RIC3: variants seen among roughly 807,000 people sequenced by gnomAD.
RIC3 encodes the protein protein RIC-3.
Under a neutral mutation model 27.3 loss-of-function variants are expected in RIC3, and 28 were observed. The ratio of observed to expected loss-of-function variants is 1.02; its 90% CI spans 0.76 to 1.41. RIC3 has a LOEUF of 1.41. Among genes scored for constraint, RIC3 ranks in the 40% most tolerant of loss-of-function variants. The probability of loss-of-function intolerance (pLI) is 0.00; values close to 1 mark genes in which losing one functional copy is unlikely to be tolerated. For missense variants in RIC3, 501 were observed against 444.7 expected (o/e 1.13, Z -1.14); for synonymous variants, 184 against 160.4 (o/e 1.15, Z -1.11).
At chr11:8,146,492 A>T (rs1278900818) in intron 1 of RIC3, among the ~76,000 whole-genome samples, 1 of 152,228 alleles carries the variant, frequency 6.6e-6, no homozygotes. Context: ...ATAAAATGCT[A>T]TGAACTGAGA....
chr11:8,140,261 A>T, intron 1 of RIC3, 68 bp from the exon 2 acceptor site: 11 of 1,400,956 alleles, frequency 7.9e-6, no homozygotes, highest in Non-Finnish European at 1.1e-5. Flanking sequence ...AAAACACCAA[A>T]TCATTAAGGT....
intron 1 of RIC3, among the ~76,000 whole-genome samples, chr11:8,156,955 A>G (rs1950716991): frequency 6.6e-6 from 1 of 152,212 alleles, no homozygotes; most frequent in African/African-American, 2.4e-5. Context: ...TATTTGGTGT[A>G]TATCATATCT....
the RIC3 span, chr11:8,095,731 T>C: frequency 6.8e-4 from 1,016 of 1,497,396 alleles, 2 homozygotes; most frequent in Non-Finnish European, 8.7e-4. Flanking sequence ...TGCACCTTTC[T>C]CTGGGAGCAT....
At position 8,140,125 on chromosome 11, in the gene RIC3, C is replaced by T. The variant is rs1948883052; in HGVS notation, c.193G>A (p.Ala65Thr). 1 of 1,614,110 alleles carries T rather than the reference C, an allele frequency of 6.2e-7. No homozygotes were observed. The highest frequency in any genetic ancestry group is 8.5e-7 in the Non-Finnish European group (1 of 1,180,014). ...GCAAGGTGAGACCTCTGGAAACGAG[C>T]CCCAGGAGTCTGGCCATCTGAGGGT... is the stretch of plus-strand genomic sequence containing the variant. ...QAPSDGQTPG[A>T]RFQRSHLAEA... The change falls in exon 2 of 6, where the codon GCT becomes ACT. Residue 65 changes from alanine to threonine, a missense_variant. By Grantham distance (58) the Ala-to-Thr change is moderately conservative. Transcript: ENST00000309737.
intron 1 of RIC3, among the ~76,000 whole-genome samples, chr11:8,149,507 C>T (rs1950033210): frequency 6.6e-6 from 1 of 152,098 alleles, no homozygotes; most frequent in Admixed American, 6.5e-5. Flanking sequence ...ATTAATCCAG[C>T]AGCAGAATAT....
At chr11:8,136,659 T>C (rs571444727) in intron 4 of RIC3, among the ~76,000 whole-genome samples, 59 of 152,364 alleles carry the variant, frequency 3.9e-4, no homozygotes, top group Admixed American at 1.9e-3. Context: ...GCTGGCACAG[T>C]CGACACAAAC....
chr11:8,123,173 T>G (rs1330491249), intron 5 of RIC3, among the ~76,000 whole-genome samples: 1 of 151,146 alleles, frequency 6.6e-6, no homozygotes, highest in African/African-American at 2.4e-5. Flanking sequence ...GAAAAACTAT[T>G]CAAAACTAAG....
At chr11:8,112,008 T>A (rs972311969) in intron 5 of RIC3, among the ~76,000 whole-genome samples, 3 of 152,236 alleles carry the variant, frequency 2.0e-5, no homozygotes, top group Non-Finnish European at 4.4e-5. Flanking sequence ...ATTATGATAA[T>A]TGGCAAATTC....
At chr11:8,148,751 A>C (rs752010466) in intron 1 of RIC3, among the ~76,000 whole-genome samples, 1 of 152,218 alleles carries the variant, frequency 6.6e-6, no homozygotes, top group African/African-American at 2.4e-5. Context: ...CACATGGAAC[A>C]ATGCCTTCAA....
intron 1 of RIC3, among the ~76,000 whole-genome samples, chr11:8,163,069 C>CCA (rs1419213949): frequency 1.4e-5 from 2 of 138,162 alleles, no homozygotes; most frequent in Non-Finnish European, 3.2e-5. Flanking sequence ...ACACACACAC[C>CCA]CCCCAAAACA....
chr11:8,153,746 A>G (rs1279065041), intron 1 of RIC3, among the ~76,000 whole-genome samples: 1 of 152,230 alleles, frequency 6.6e-6, no homozygotes, highest in South Asian at 2.1e-4. Flanking sequence ...ATTTCTTAAT[A>G]CAATCAGTAT....
intron 5 of RIC3, among the ~76,000 whole-genome samples, chr11:8,119,638 A>G (rs1264515605): frequency 2.0e-5 from 3 of 152,220 alleles, no homozygotes; most frequent in African/African-American, 7.2e-5. Context: ...GGCATAGGCA[A>G]GGACTTCATG....
the RIC3 span, chr11:8,097,343 G>A: frequency 2.7e-5 from 43 of 1,614,048 alleles, no homozygotes; most frequent in South Asian, 5.5e-5. Flanking sequence ...ATCAAATGCC[G>A]CATCACTCGG....
Position 8,169,006 on chromosome 11 carries a change from C to A in RIC3, c.-17G>T. On this transcript the variant is annotated 5_prime_UTR_variant, in exon 1 of 6. Coordinates refer to ENST00000309737, the MANE Select transcript of RIC3 (RefSeq NM_001206671.4). Reference sequence around the variant, plus strand: ...GTACGCCATGACTGCTCACGGTGGTCGCAGGTGCAGACGCCAGCCGGAACC... The same window carrying A: ...GTACGCCATGACTGCTCACGGTGGTAGCAGGTGCAGACGCCAGCCGGAACC... The A allele has an allele frequency of 6.4e-7, 1 of 1,558,600 alleles. No homozygotes were observed. The highest frequency in any genetic ancestry group is 8.6e-7 in the Non-Finnish European group (1 of 1,158,052).
the RIC3 span, among the ~76,000 whole-genome samples, chr11:8,094,505 G>T: frequency 6.6e-5 from 10 of 152,196 alleles, no homozygotes; most frequent in Admixed American, 6.5e-4. Flanking sequence ...CCTCAAGGAG[G>T]ATCTCACCCA....
chr11:8,098,764 C>A, the RIC3 span: 1 of 1,613,542 alleles, frequency 6.2e-7, no homozygotes, highest in Non-Finnish European at 8.5e-7. Flanking sequence ...TCAGGTCCAA[C>A]TTGATGGGCA....
rs1302260277 is a variant in RIC3, at chr11:8,168,811, C to T, written c.124+55G>A. ...TCAGAGTCACCCCTCCCTCAAGCAGCGTTCTCCGTACTCTTCGGCGCCGGG... is the reference window on the plus strand; with the variant it reads ...TCAGAGTCACCCCTCCCTCAAGCAGTGTTCTCCGTACTCTTCGGCGCCGGG... On this transcript the variant is annotated intron_variant, in intron 1 of 5. Coordinates refer to ENST00000309737, the MANE Select transcript of RIC3 (RefSeq NM_001206671.4). The T allele has an allele frequency of 1.6e-5, 25 of 1,567,650 alleles. No individual in the cohort carries two copies. The Middle Eastern group carries it at 5.1e-4, about 32-fold the overall frequency.
intron 4 of RIC3, among the ~76,000 whole-genome samples, chr11:8,127,088 A>G (rs1947080659): frequency 6.6e-6 from 1 of 152,206 alleles, no homozygotes; most frequent in African/African-American, 2.4e-5. Context: ...CAGATGTCTC[A>G]GCTTTTAGTT....
the RIC3 span, chr11:8,095,502 C>T: frequency 6.2e-7 from 1 of 1,608,544 alleles, no homozygotes; most frequent in Non-Finnish European, 8.5e-7. Flanking sequence ...CTGCAGGCAC[C>T]AGCGGGCCAG....
Sources: allele counts gnomAD v4.1 joint callset (sites outside exome capture counted in the v4.1 genomes callset), GRCh38; gene constraint gnomAD v4.1.1; transcripts MANE v1.5; gene names NCBI Gene and HGNC (gene_info 2026-07-23, HGNC 2026-07-21).